MB: variants seen among roughly 807,000 people sequenced by gnomAD.
MB encodes the protein myoglobin, also known as nitrite reductase MB.
In MB, 10 loss-of-function variants were observed where a neutral mutation model predicts 14.5. The observed-to-expected ratio is 0.69, with a 90% CI of 0.43 to 1.17. The LOEUF (loss-of-function observed/expected upper bound fraction) is 1.17, where lower values mean the gene tolerates loss of function less well. Ranked by LOEUF, MB falls within the 50% of genes most tolerant of loss-of-function variation. The probability of loss-of-function intolerance (pLI) is 0.00; values close to 1 mark genes in which losing one functional copy is unlikely to be tolerated. For missense variants in MB, 169 were observed against 192.7 expected (o/e 0.88, Z 0.73); for synonymous variants, 89 against 78.6 (o/e 1.13, Z -0.70).
rs1290764467 is a variant in MB at position 35,617,240 on chromosome 22, C to T, written c.18G>A (p.Gly6=). The change falls in exon 1 of 3, where the codon GGG becomes GGA. Residue 6 remains glycine, a synonymous_variant. Coordinates refer to ENST00000397326, the MANE Select transcript of MB (RefSeq NM_005368.3). MGLSD[G]EWQLVLNVWG... is the part of the protein sequence containing the mutation. ...AGACGTTCAGCACCAACTGCCATTC[C>T]CCGTCGCTGAGCCCCATGGCGCAGT... 1 of 1,614,126 alleles carries T rather than the reference C, an allele frequency of 6.2e-7. No homozygotes were observed. Among genetic ancestry groups the T allele is most frequent in the African/African-American group, 1.3e-5 (1 of 75,042 alleles).
chr22:35,611,230 C>A lies in MB; in HGVS notation c.96-124G>T, dbSNP rs574504439. On this transcript the variant is annotated intron_variant, in intron 1 of 2. Coordinates refer to ENST00000397326, the MANE Select transcript of MB (RefSeq NM_005368.3). ...CTGTGTGACCTTGGGCCATTCACTT[C>A]ACCTCTCTGTGCCTCAGCTTCCTCA... 4 of 679,906 alleles carry A rather than the reference C, an allele frequency of 5.9e-6. No homozygotes were observed. In the Admixed American group the frequency reaches 7.3e-5, roughly 12 times the overall value. 42.1% of individuals were successfully genotyped at this position (679,906 alleles called of 1,614,324 possible).
chr22:35,616,868 C>T (rs892189544), intron 1 of MB, among the ~76,000 whole-genome samples: 2 of 152,144 alleles, frequency 1.3e-5, no homozygotes, highest in Non-Finnish European at 1.5e-5. Context: ...TCTCTCAGGA[C>T]CCTTGTTAAC....
chr22:35,616,245 G>T (rs1157345249), intron 1 of MB, among the ~76,000 whole-genome samples: 1 of 152,214 alleles, frequency 6.6e-6, no homozygotes, highest in Admixed American at 6.5e-5. Context: ...CAAGAGAAGA[G>T]TGTATCACCT....
At chr22:35,609,097 C>T (rs989748416) in intron 2 of MB, among the ~76,000 whole-genome samples, 2 of 152,200 alleles carry the variant, frequency 1.3e-5, no homozygotes, top group Non-Finnish European at 2.9e-5. Context: ...TTCTATCCAA[C>T]ACTCGGCTTC....
Position 35,617,186 on chromosome 22 carries a change from G to C in MB, c.72C>G (p.Gly24=). ...ACCTGATGAGGACTTCCTGCCCATG[G>C]CCTGGGATGTCAGCCTCCACCTTCC... ...VWGKVEADIP[G]HGQEVLIRLF... The change falls in exon 1 of 3, where the codon GGC becomes GGG. Residue 24 remains glycine (G), a synonymous_variant. Transcript: ENST00000397326. 6.2e-7 allele frequency: 1 copy of C among 1,613,980 alleles called. No individual in the cohort carries two copies. Among genetic ancestry groups the C allele is most frequent in the South Asian group, 1.1e-5 (1 of 91,080 alleles).
At chr22:35,607,594 G>A (rs544308188) in intron 2 of MB, 151 bp from the exon 3 acceptor site, 8 of 677,834 alleles carry the variant, frequency 1.2e-5, no homozygotes, top group African/African-American at 7.2e-5. Context: ...TGATCTCCAC[G>A]GATGAACCCC....
chr22:35,620,367 CTCAT>C (rs1455635854), upstream of MB, among the ~76,000 whole-genome samples: 1 of 152,176 alleles, frequency 6.6e-6, no homozygotes, highest in Admixed American at 6.5e-5. Context: ...CAAAGGGGAT[CTCAT>C]TCATTCATTC....
chr22:35,611,605 A>G (rs1344498990), intron 1 of MB, among the ~76,000 whole-genome samples: 1 of 152,108 alleles, frequency 6.6e-6, no homozygotes, highest in Admixed American at 6.5e-5. Context: ...CAATCCTCAC[A>G]CTCAGAAACC....
At position 35,607,287 on chromosome 22, in the gene MB, C is replaced by A. The variant is rs113313780; in HGVS notation, c.*10G>T. On this transcript the variant is annotated 3_prime_UTR_variant, in exon 3 of 3. Coordinates refer to ENST00000397326, the MANE Select transcript of MB (RefSeq NM_005368.3). ...GGGCCCAGATGGGTGGGGGTGGGAG[C>A]GGCAGGGGCCTAGCCCTGGAAGCCC... 4 of 1,607,288 alleles carry A rather than the reference C, an allele frequency of 2.5e-6. No individual in the cohort carries two copies. The highest frequency in any genetic ancestry group is 1.1e-5 in the South Asian group (1 of 90,726).
intron 1 of MB, among the ~76,000 whole-genome samples, chr22:35,615,995 T>C (rs5755796): frequency 0.67 from 102,133 of 151,768 alleles, 35,945 homozygotes; most frequent in East Asian, 0.93. Context: ...GCTCCCGAGG[T>C]AGACGGAAGC....
chr22:35,609,935 T>A (rs1260582357), intron 2 of MB, among the ~76,000 whole-genome samples: 1 of 152,210 alleles, frequency 6.6e-6, no homozygotes, highest in African/African-American at 2.4e-5. Flanking sequence ...CTCTTTCTCC[T>A]GCTTCCAGTT....
At chr22:35,618,311 T>C (rs1234433171), upstream of MB, among the ~76,000 whole-genome samples, 2 of 152,216 alleles carry the variant, frequency 1.3e-5, no homozygotes, top group African/African-American at 4.8e-5. Context: ...TTAACCCACG[T>C]ATCTCTTGGG....
chr22:35,621,231 G>A (rs1279552482), upstream of MB, among the ~76,000 whole-genome samples: 1 of 152,086 alleles, frequency 6.6e-6, no homozygotes, highest in African/African-American at 2.4e-5. Flanking sequence ...GCACACACAC[G>A]CACGAATGCA....
At chr22:35,617,410 C>G (rs1036785406), upstream of MB, 6 of 611,294 alleles carry the variant, frequency 9.8e-6, no homozygotes, top group Admixed American at 5.5e-5. Flanking sequence ...TGTCCCCCTC[C>G]CCTGCCCTCC....
upstream of MB, among the ~76,000 whole-genome samples, chr22:35,618,419 C>T (rs1490523764): frequency 3.3e-5 from 5 of 152,108 alleles, no homozygotes; most frequent in Non-Finnish European, 7.3e-5. Context: ...GGATGATTAG[C>T]CTTATCTTAC....
intron 1 of MB, among the ~76,000 whole-genome samples, chr22:35,611,394 G>A (rs963007549): frequency 5.3e-5 from 8 of 152,146 alleles, no homozygotes; most frequent in African/African-American, 1.2e-4. Context: ...GTTCTGAGGC[G>A]TAAAGTCACC....
chr22:35,609,871 A>G (rs1466231509), intron 2 of MB, among the ~76,000 whole-genome samples: 1 of 152,174 alleles, frequency 6.6e-6, no homozygotes, highest in Non-Finnish European at 1.5e-5. Context: ...TGTAAATAAA[A>G]TTGTTGGATG....
chr22:35,611,143 G>A (rs1922595342), intron 1 of MB, 37 bp from the exon 2 acceptor site: 2 of 1,515,712 alleles, frequency 1.3e-6, no homozygotes, highest in African/African-American at 1.4e-5. Context: ...GGCATGGGAG[G>A]TGCGGTGTGA....
upstream of MB, among the ~76,000 whole-genome samples, chr22:35,620,062 G>A (rs536412725): frequency 3.3e-5 from 5 of 152,358 alleles, no homozygotes; most frequent in South Asian, 8.3e-4. Context: ...GGGGCCGGGC[G>A]TGGTGGCTCA....
Sources: allele counts gnomAD v4.1 joint callset (sites outside exome capture counted in the v4.1 genomes callset), GRCh38; gene constraint gnomAD v4.1.1; transcripts MANE v1.5; gene names NCBI Gene and HGNC (gene_info 2026-07-23, HGNC 2026-07-21).